LRRC4C: variants seen among roughly 807,000 people sequenced by gnomAD.
LRRC4C encodes leucine rich repeat containing 4C.
LRRC4C carries 5 observed loss-of-function variants against 33.6 expected under a neutral mutation model. The ratio of observed to expected loss-of-function variants is 0.15; its 90% CI spans 0.08 to 0.31. The LOEUF (loss-of-function observed/expected upper bound fraction) is 0.31. Ranked by LOEUF, LRRC4C falls within the 10% of genes least tolerant of loss-of-function variation. The pLI, the probability that LRRC4C is intolerant of heterozygous loss-of-function variation, is 1.00. For synonymous variants in LRRC4C, 329 were observed against 302.0 expected (o/e 1.09, Z -0.93); for missense variants, 560 against 796.7 (o/e 0.70, Z 3.58).
At chr11:41,288,871 G>A (rs1949911039) in intron 1 of LRRC4C, among the ~76,000 whole-genome samples, 1 of 152,056 alleles carries the variant, frequency 6.6e-6, no homozygotes, top group African/African-American at 2.4e-5. Flanking sequence ...GCAGGAGAGT[G>A]TCTTGCTGTT....
chr11:40,261,009 T>C (rs1350854831), intron 4 of LRRC4C, among the ~76,000 whole-genome samples: 1 of 152,132 alleles, frequency 6.6e-6, no homozygotes, highest in African/African-American at 2.4e-5. Context: ...GCTTCCCAAG[T>C]AGCTAGGACT....
intron 2 of LRRC4C, among the ~76,000 whole-genome samples, chr11:40,772,354 G>T (rs1023609238): frequency 4.6e-5 from 7 of 152,110 alleles, no homozygotes; most frequent in Non-Finnish European, 1.5e-5. Context: ...TTCCCACGAG[G>T]TCCCTCTCCC....
intron 3 of LRRC4C, among the ~76,000 whole-genome samples, chr11:40,404,491 C>T (rs759192890): frequency 3.3e-5 from 5 of 152,148 alleles, no homozygotes; most frequent in Admixed American, 6.5e-5. Flanking sequence ...CTATGCTTCT[C>T]GTCCTGCAAT....
At position 40,694,880 on chromosome 11, in the gene LRRC4C, T is replaced by A. The variant is rs1047223871; in HGVS notation, c.-406-46602A>T. Among the ~76,000 whole-genome samples, 17 of 152,266 alleles carry A rather than the reference T, an allele frequency of 1.1e-4. 1 individual carries two copies. Among genetic ancestry groups the A allele is most frequent in the African/African-American group, 3.6e-4 (15 of 41,562 alleles). On this transcript the variant is annotated intron_variant, in intron 2 of 6. Transcript: ENST00000528697. ...TCATATCTCAATCTTCCTTATTTTC[T>A]TTTATCATCATCGTAGCCCCCTTCT...
chr11:41,431,731 C>T (rs1411688262), intron 1 of LRRC4C, among the ~76,000 whole-genome samples: 3 of 151,828 alleles, frequency 2.0e-5, no homozygotes, highest in Non-Finnish European at 4.4e-5. Flanking sequence ...GAACTACCGC[C>T]GACAATATTA....
intron 1 of LRRC4C, among the ~76,000 whole-genome samples, chr11:41,185,970 G>C (rs1176497897): frequency 1.3e-5 from 2 of 151,778 alleles, no homozygotes; most frequent in East Asian, 3.9e-4. Flanking sequence ...GACTCCAATA[G>C]GTATATTAGA....
chr11:40,637,048 A>C (rs1941795068), intron 3 of LRRC4C, among the ~76,000 whole-genome samples: 2 of 152,186 alleles, frequency 1.3e-5, no homozygotes, highest in South Asian at 4.1e-4. Flanking sequence ...CAGAGCAGCA[A>C]GGCTTATCTC....
chr11:40,849,891 CTGAT>C (rs1169731031), intron 2 of LRRC4C, among the ~76,000 whole-genome samples: 2 of 151,492 alleles, frequency 1.3e-5, no homozygotes, highest in African/African-American at 4.9e-5. Context: ...TTTTCAATCT[CTGAT>C]AGCCTTTCTT....
intron 3 of LRRC4C, among the ~76,000 whole-genome samples, chr11:40,398,685 GC>G (rs1160469701): frequency 6.6e-6 from 1 of 152,040 alleles, no homozygotes; most frequent in Admixed American, 6.6e-5. Flanking sequence ...GTTAAATCAA[GC>G]TTAAAATTGC....
intron 5 of LRRC4C, among the ~76,000 whole-genome samples, chr11:40,163,901 A>T (rs1194044595): frequency 1.3e-5 from 2 of 152,178 alleles, no homozygotes; most frequent in Non-Finnish European, 2.9e-5. Context: ...ATTTGTTTCT[A>T]TAACATAAAC....
chr11:41,304,832 C>T (rs1459163885), intron 1 of LRRC4C, among the ~76,000 whole-genome samples: 4 of 100,308 alleles, frequency 4.0e-5, no homozygotes, highest in South Asian at 7.3e-4. Context: ...GGGTCAGCCC[C>T]CCGCCCGGCC....
chr11:40,457,518 G>T (rs1166493899), intron 3 of LRRC4C, among the ~76,000 whole-genome samples: 3 of 152,066 alleles, frequency 2.0e-5, no homozygotes, highest in Non-Finnish European at 4.4e-5. Flanking sequence ...TGGCTTTTGT[G>T]CATTTCGCAG....
intron 1 of LRRC4C, among the ~76,000 whole-genome samples, chr11:41,446,589 C>T (rs1475629418): frequency 6.6e-6 from 1 of 151,902 alleles, no homozygotes; most frequent in East Asian, 1.9e-4. Flanking sequence ...GGCAGTTCTC[C>T]AATGGAGGAA....
chr11:41,436,961 T>G (rs905966399), intron 1 of LRRC4C, among the ~76,000 whole-genome samples: 1 of 152,192 alleles, frequency 6.6e-6, no homozygotes, highest in African/African-American at 2.4e-5. Flanking sequence ...AATCTCAAAC[T>G]CTGATAAAGG....
chr11:40,589,838 G>A lies in LRRC4C; in HGVS notation c.-270+58304C>T, dbSNP rs1441740979. On this transcript the variant is annotated intron_variant, in intron 3 of 6. Transcript: ENST00000528697. ...TCTTCTGGCTTGTAGGGTTTCTGCCGAGAGATCCGCTGTTAGTCTGATGGG... is the reference window on the plus strand; with the variant it reads ...TCTTCTGGCTTGTAGGGTTTCTGCCAAGAGATCCGCTGTTAGTCTGATGGG... Among the ~76,000 whole-genome samples the A allele has an allele frequency of 7.4e-5, 11 of 149,224 alleles. No individual in the cohort carries two copies. The South Asian group carries it at 8.8e-4, about 12-fold the overall frequency.
intron 1 of LRRC4C, among the ~76,000 whole-genome samples, chr11:41,087,893 G>A (rs1940122648): frequency 1.3e-5 from 2 of 152,078 alleles, no homozygotes; most frequent in South Asian, 4.1e-4. Flanking sequence ...TCAATTATTT[G>A]ACTATATAAG....
intron 1 of LRRC4C, among the ~76,000 whole-genome samples, chr11:40,986,024 C>G (rs1852967065): frequency 6.6e-6 from 1 of 151,948 alleles, no homozygotes; most frequent in Admixed American, 6.6e-5. Context: ...CACAGACCAA[C>G]TATAAAACAA....
chr11:40,164,588 A>G (rs1171248824), intron 5 of LRRC4C, among the ~76,000 whole-genome samples: 1 of 152,148 alleles, frequency 6.6e-6, no homozygotes, highest in Non-Finnish European at 1.5e-5. Context: ...ACTGTGACTA[A>G]CACTTAGACA....
chr11:40,412,843 T>C (rs138642670), intron 3 of LRRC4C, among the ~76,000 whole-genome samples: 17 of 152,204 alleles, frequency 1.1e-4, no homozygotes, highest in African/African-American at 3.6e-4. Flanking sequence ...GTTTAAGGCA[T>C]TGGGTTGTTG....
Sources: allele counts gnomAD v4.1 joint callset (sites outside exome capture counted in the v4.1 genomes callset), GRCh38; gene constraint gnomAD v4.1.1; transcripts MANE v1.5; gene names NCBI Gene and HGNC (gene_info 2026-07-23, HGNC 2026-07-21).